UBAC2: variants seen among roughly 807,000 people sequenced by gnomAD.
UBAC2 encodes the protein UBA domain containing 2, also known as ubiquitin-associated domain-containing protein 2.
Under a neutral mutation model 44.0 loss-of-function variants are expected in UBAC2, and 26 were observed. That is an observed-to-expected ratio of 0.59 (90% CI 0.43 to 0.82). The LOEUF (loss-of-function observed/expected upper bound fraction) is 0.82. Among genes scored for constraint, UBAC2 ranks in the 40% least tolerant of loss-of-function variants. UBAC2 has a pLI of 0.00. For missense variants in UBAC2, 329 were observed against 419.4 expected, an observed-to-expected ratio of 0.78 and a Z score of 1.88; for synonymous variants, 155 against 154.3, an observed-to-expected ratio of 1.00 and a Z score of -0.04.
At chr13:99,302,148 A>G (rs1185416839) in intron 4 of UBAC2, among the ~76,000 whole-genome samples, 4 of 152,180 alleles carry the variant, frequency 2.6e-5, no homozygotes, top group African/African-American at 4.8e-5. Flanking sequence ...CTCACTTTCA[A>G]AAACAGCCAG....
At chr13:99,268,745 G>A (rs1196368334) in intron 4 of UBAC2, among the ~76,000 whole-genome samples, 4 of 152,086 alleles carry the variant, frequency 2.6e-5, no homozygotes, top group African/African-American at 9.7e-5. Flanking sequence ...TTGTGAAATG[G>A]CATCATGGAG....
intron 4 of UBAC2, among the ~76,000 whole-genome samples, chr13:99,280,736 T>G (rs1273407522): frequency 6.6e-6 from 1 of 152,220 alleles, no homozygotes; most frequent in Non-Finnish European, 1.5e-5. Flanking sequence ...ACATGCTAGT[T>G]GCTTCAGTTA....
intron 8 of UBAC2, among the ~76,000 whole-genome samples, chr13:99,376,437 TG>T (rs960945678): frequency 6.6e-6 from 1 of 152,138 alleles, no homozygotes; most frequent in African/African-American, 2.4e-5. Context: ...GGGGCTCTGG[TG>T]GGGCACCCTG....
At chr13:99,368,527 A>G (rs2045361421) in intron 8 of UBAC2, among the ~76,000 whole-genome samples, 1 of 152,242 alleles carries the variant, frequency 6.6e-6, no homozygotes, top group African/African-American at 2.4e-5. Flanking sequence ...GAGTATAGCA[A>G]TTCTAAAATT....
chr13:99,279,773 C>T (rs952588580), intron 4 of UBAC2, among the ~76,000 whole-genome samples: 16 of 152,208 alleles, frequency 1.1e-4, no homozygotes, highest in African/African-American at 3.9e-4. Flanking sequence ...TGGCAGAAAG[C>T]AGAGAGTTCA....
intron 1 of UBAC2, among the ~76,000 whole-genome samples, chr13:99,203,925 C>T (rs970677563): frequency 2.6e-5 from 4 of 152,200 alleles, no homozygotes; most frequent in African/African-American, 2.4e-5. Context: ...ATGCCTGTTT[C>T]AAGTGCTTGA....
At position 99,293,795 on chromosome 13, in the gene UBAC2, TTTAAA is replaced by T. The variant is rs149628682; in HGVS notation, c.390-20300_390-20296del. Among the ~76,000 whole-genome samples, 705 of 152,322 alleles carry T rather than the reference TTTAAA, an allele frequency of 4.6e-3. 11 individuals carry two copies. Among genetic ancestry groups the T allele is most frequent in the East Asian group, 0.034 (178 of 5,188 alleles). On this transcript the variant is annotated intron_variant, in intron 4 of 8. Transcript: ENST00000403766. ...AGTTGAAAATGGGTAAGATGAGAAC[TTTAAA>T]TAAAATATTTTCAGGATATAAAGTC...
chr13:99,358,323 T>C (rs903735758), intron 7 of UBAC2, among the ~76,000 whole-genome samples: 1 of 152,190 alleles, frequency 6.6e-6, no homozygotes, highest in African/African-American at 2.4e-5. Context: ...CTTTTCTAAC[T>C]GTGTATCTAT....
rs577165595 is a variant in UBAC2 at position 99,335,695 on chromosome 13, A to C, written c.562-4625A>C. 7.9e-5 allele frequency among the ~76,000 whole-genome samples: 12 copies of C among 152,346 alleles called. No individual in the cohort carries two copies. In the East Asian group the frequency reaches 2.1e-3, roughly 27 times the overall value. On this transcript the variant is annotated intron_variant, in intron 6 of 8. Coordinates refer to ENST00000403766, the MANE Select transcript of UBAC2 (RefSeq NM_001144072.2). ...GGCTGTATAGTACTGTGTTGTATGA[A>C]TAACCCACTCTGCAGCTGTTCCCCT...
chr13:99,384,479 C>T (rs546187110), intron 8 of UBAC2, among the ~76,000 whole-genome samples: 6 of 152,326 alleles, frequency 3.9e-5, no homozygotes, highest in Middle Eastern at 3.4e-3. Context: ...AGGAAATCTC[C>T]GTATTCACAG....
At chr13:99,259,539 A>C (rs762565690) in intron 4 of UBAC2, among the ~76,000 whole-genome samples, 29 of 152,248 alleles carry the variant, frequency 1.9e-4, no homozygotes, top group Non-Finnish European at 3.4e-4. Flanking sequence ...TACTTGCTTA[A>C]GAACTCAAGG....
chr13:99,271,815 G>A (rs1303065895), intron 4 of UBAC2, among the ~76,000 whole-genome samples: 1 of 152,056 alleles, frequency 6.6e-6, no homozygotes, highest in African/African-American at 2.4e-5. Context: ...TCTGTTGAGG[G>A]ATTTTGTGTT....
At chr13:99,254,326 TTC>T (rs1219562724) in intron 4 of UBAC2, among the ~76,000 whole-genome samples, 1 of 152,216 alleles carries the variant, frequency 6.6e-6, no homozygotes, top group Admixed American at 6.5e-5. Context: ...TGAATGACTA[TTC>T]TCTGTTTTTA....
At chr13:99,351,040 A>G (rs986719266) in intron 7 of UBAC2, among the ~76,000 whole-genome samples, 1 of 152,240 alleles carries the variant, frequency 6.6e-6, no homozygotes, top group African/African-American at 2.4e-5. Context: ...CACAATAGAA[A>G]GCAGCGTAAT....
chr13:99,277,249 G>A (rs887754962), intron 4 of UBAC2, among the ~76,000 whole-genome samples: 2 of 152,180 alleles, frequency 1.3e-5, no homozygotes, highest in African/African-American at 4.8e-5. Flanking sequence ...ATTAAGGCCA[G>A]GTGCAGTGGC....
At chr13:99,337,505 C>T (rs2044806228) in intron 6 of UBAC2, among the ~76,000 whole-genome samples, 1 of 152,108 alleles carries the variant, frequency 6.6e-6, no homozygotes, top group Non-Finnish European at 1.5e-5. Context: ...TTTTGTTTCA[C>T]CACAGTGGAT....
chr13:99,270,399 T>C (rs992704223), intron 4 of UBAC2, among the ~76,000 whole-genome samples: 2 of 152,218 alleles, frequency 1.3e-5, no homozygotes, highest in African/African-American at 4.8e-5. Flanking sequence ...AAGAAAATAA[T>C]TGGAATTTAG....
At chr13:99,237,786 C>G (rs766799920) in intron 1 of UBAC2, among the ~76,000 whole-genome samples, 3 of 152,182 alleles carry the variant, frequency 2.0e-5, no homozygotes, top group Non-Finnish European at 4.4e-5. Flanking sequence ...GAAACATGGT[C>G]TCTACTAAGA....
intron 3 of UBAC2, among the ~76,000 whole-genome samples, 200 bp downstream of exon 3, chr13:99,244,151 T>G (rs1323690769): frequency 6.6e-6 from 1 of 152,290 alleles, no homozygotes. Context: ...ATAATAGTGA[T>G]AATGATAATA....
Sources: gnomAD v4.1 joint callset for allele counts (sites outside exome capture counted in the v4.1 genomes callset) on GRCh38, gnomAD v4.1.1 for gene constraint, MANE v1.5 for transcripts, NCBI Gene and HGNC (gene_info 2026-07-23, HGNC 2026-07-21) for gene names.